SNTB1: variants seen among roughly 807,000 people sequenced by gnomAD.
The protein encoded by SNTB1 is syntrophin beta 1.
A neutral mutation model predicts 48.9 loss-of-function variants in SNTB1; 36 were observed. The ratio of observed to expected loss-of-function variants is 0.74; its 90% confidence interval spans 0.56 to 0.97. The LOEUF is 0.97. Ranked by LOEUF, SNTB1 falls within the 50% of genes least tolerant of loss-of-function variation. The pLI, the probability that SNTB1 is intolerant of heterozygous loss-of-function variation, is 0.00. For missense variants in SNTB1, 786 were observed against 703.4 expected, an observed-to-expected ratio of 1.12 and a Z score of -1.33; for synonymous variants, 299 against 294.6, an observed-to-expected ratio of 1.01 and a Z score of -0.15.
At chr8:120,558,734 C>T (rs1815607441) in intron 4 of SNTB1, among the ~76,000 whole-genome samples, 1 of 152,132 alleles carries the variant, frequency 6.6e-6, no homozygotes, top group Non-Finnish European at 1.5e-5. Flanking sequence ...TCCTCAACTG[C>T]AAACTGGGGA....
chr8:120,571,760 G>A (rs113463752), intron 4 of SNTB1, among the ~76,000 whole-genome samples: 32,804 of 151,910 alleles, frequency 0.22, 3,727 homozygotes, highest in Middle Eastern at 0.3. Context: ...CGGCCTCCCA[G>A]AGTGCTGGGA....
chr8:120,731,286 T>C (rs1213564609), intron 1 of SNTB1, among the ~76,000 whole-genome samples: 1 of 152,214 alleles, frequency 6.6e-6, no homozygotes, highest in African/African-American at 2.4e-5. Context: ...AAAAGAATTC[T>C]TAGCTCTCTT....
intron 1 of SNTB1, among the ~76,000 whole-genome samples, chr8:120,770,857 A>G (rs1819615307): frequency 6.6e-6 from 1 of 152,214 alleles, no homozygotes; most frequent in African/African-American, 2.4e-5. Context: ...TGATGGAACC[A>G]TCTAATTTCA....
At chr8:120,652,833 TGGG>T (rs980678907) in intron 2 of SNTB1, among the ~76,000 whole-genome samples, 1 of 152,158 alleles carries the variant, frequency 6.6e-6, no homozygotes, top group African/African-American at 2.4e-5. Flanking sequence ...ACTCAGTAAA[TGGG>T]GGAAAAAACT....
chr8:120,782,927 C>G (rs1819853794), intron 1 of SNTB1, among the ~76,000 whole-genome samples: 1 of 152,184 alleles, frequency 6.6e-6, no homozygotes, highest in Admixed American at 6.5e-5. Flanking sequence ...TTCCAGTCAA[C>G]TCTTCATGCA....
At chr8:120,568,649 T>C (rs1766185798) in intron 4 of SNTB1, among the ~76,000 whole-genome samples, 1 of 152,192 alleles carries the variant, frequency 6.6e-6, no homozygotes, top group South Asian at 2.1e-4. Flanking sequence ...AGCTCTGCCA[T>C]TTCCAGGCTG....
chr8:120,566,413 C>T (rs1251245146), intron 4 of SNTB1, among the ~76,000 whole-genome samples: 1 of 149,364 alleles, frequency 6.7e-6, no homozygotes, highest in Non-Finnish European at 1.5e-5. Context: ...CACGTGAGAA[C>T]ACAGCAACAG....
intron 5 of SNTB1, among the ~76,000 whole-genome samples, chr8:120,547,732 A>G (rs1156355178): frequency 6.6e-6 from 1 of 151,884 alleles, no homozygotes; most frequent in Non-Finnish European, 1.5e-5. Context: ...TCCCATTTCT[A>G]CCACCGACTT....
At chr8:120,580,581 G>A (rs754189734) in intron 3 of SNTB1, among the ~76,000 whole-genome samples, 2 of 152,268 alleles carry the variant, frequency 1.3e-5, no homozygotes, top group South Asian at 2.1e-4. Flanking sequence ...AAGTGAAAAC[G>A]TTCACGAAGG....
At chr8:120,611,112 C>G (rs1816616229) in intron 3 of SNTB1, among the ~76,000 whole-genome samples, 1 of 152,148 alleles carries the variant, frequency 6.6e-6, no homozygotes, top group Non-Finnish European at 1.5e-5. Context: ...GCAGGTCTGA[C>G]CCTAGAGCAA....
intron 2 of SNTB1, chr8:120,636,958 C>A: frequency 3.5e-6 from 1 of 287,476 alleles, no homozygotes; most frequent in South Asian, 5.5e-5. Flanking sequence ...GCCAAATTGT[C>A]ATGTACTGTT....
chr8:120,760,461 T>C (rs986357390), intron 1 of SNTB1, among the ~76,000 whole-genome samples: 4 of 152,112 alleles, frequency 2.6e-5, no homozygotes, highest in African/African-American at 9.7e-5. Flanking sequence ...GGTAGACATA[T>C]TTAAAGGATA....
intron 2 of SNTB1, among the ~76,000 whole-genome samples, chr8:120,691,821 A>G (rs1818132880): frequency 6.6e-6 from 1 of 152,232 alleles, no homozygotes; most frequent in African/African-American, 2.4e-5. Flanking sequence ...ATTAATTAGC[A>G]TAATGCACAT....
chr8:120,711,873 ATTTTC>A (rs994152257), intron 1 of SNTB1, among the ~76,000 whole-genome samples: 2 of 152,086 alleles, frequency 1.3e-5, no homozygotes. Context: ...GAAAACATTC[ATTTTC>A]TTTTCTTTTT....
chr8:120,595,410 C>G (rs997862039), intron 3 of SNTB1, among the ~76,000 whole-genome samples: 2 of 152,110 alleles, frequency 1.3e-5, no homozygotes, highest in Non-Finnish European at 2.9e-5. Context: ...AGCGCCATGA[C>G]AGTTTACAAA....
At chr8:120,661,353 G>A (rs1817584854) in intron 2 of SNTB1, among the ~76,000 whole-genome samples, 1 of 152,118 alleles carries the variant, frequency 6.6e-6, no homozygotes, top group African/African-American at 2.4e-5. Flanking sequence ...GAATTTCGAG[G>A]CCATTTAAAC....
At chr8:120,612,600 C>G (rs2130732588) in intron 3 of SNTB1, among the ~76,000 whole-genome samples, 1 of 152,284 alleles carries the variant, frequency 6.6e-6, no homozygotes, top group Non-Finnish European at 1.5e-5. Context: ...GTCACCCAAG[C>G]TGGAGTGCAA....
chr8:120,803,541 A>G (rs1820269480), intron 1 of SNTB1, among the ~76,000 whole-genome samples: 1 of 152,200 alleles, frequency 6.6e-6, no homozygotes, highest in Non-Finnish European at 1.5e-5. Context: ...GTAGGCCAGT[A>G]GCTACCACAG....
chr8:120,689,337 C>T (rs1025844566), intron 2 of SNTB1, among the ~76,000 whole-genome samples: 5 of 152,120 alleles, frequency 3.3e-5, no homozygotes, highest in East Asian at 3.8e-4. Context: ...ATAGTTCAGG[C>T]GAGCTGCTCT....
Sources: gnomAD v4.1 joint callset for allele counts (sites outside exome capture counted in the v4.1 genomes callset) on GRCh38, gnomAD v4.1.1 for gene constraint, MANE v1.5 for transcripts, NCBI Gene and HGNC (gene_info 2026-07-23, HGNC 2026-07-21) for gene names.